The following GALNT12 variants were observed in gnomAD, a reference collection of about 807,000 sequenced individuals.
GALNT12 encodes polypeptide N-acetylgalactosaminyltransferase 12, also known as UDP-GalNAc:polypeptide N-acetylgalactosaminyltransferase 12.
In GALNT12, 45 loss-of-function variants were observed where a neutral mutation model predicts 55.5. The ratio of observed to expected loss-of-function variants is 0.81; its 90% CI spans 0.64 to 1.04. The LOEUF (loss-of-function observed/expected upper bound fraction) is 1.04. GALNT12 is among the 50% of genes least tolerant of loss of function. The pLI is 0.00. For synonymous variants in GALNT12, 304 were observed against 312.2 expected, an observed-to-expected ratio of 0.97 and a Z score of 0.28; for missense variants, 709 against 754.8, an observed-to-expected ratio of 0.94 and a Z score of 0.71.
Position 98,807,978 on chromosome 9 carries a change from CAGG to C in GALNT12, c.286_288del (p.Glu96del). ...GCTGCAGGGCGAGGAGCTGCGGCTG[CAGG>C]AGGAGAGCGTGCGGCTGCACCAGAT... is the stretch of plus-strand genomic sequence containing the variant. On this transcript the variant is annotated inframe_deletion, in exon 1 of 10. Coordinates refer to ENST00000375011, the MANE Select transcript of GALNT12 (RefSeq NM_024642.5). The C allele has an allele frequency of 1.3e-6, 2 of 1,493,250 alleles. No individual in the cohort carries two copies. Among genetic ancestry groups the C allele is most frequent in the East Asian group, 2.6e-5 (1 of 38,220 alleles). The allele number at this position is 1,493,250 out of a possible 1,614,324, so 92.5% of individuals were successfully genotyped here. A position where few individuals can be genotyped will look rare whatever the true frequency, so the allele number is the denominator to read the frequency against.
chr9:98,808,085 T>TGGGGA lies in GALNT12; in HGVS notation c.371+19_371+23dup. 6.4e-7 allele frequency: 1 copy of TGGGGA among 1,558,408 alleles called. No homozygotes were observed. The highest frequency in any genetic ancestry group is 1.2e-5 in the South Asian group (1 of 85,142). ...GGAACCCGCTGTGAGTGCACAGCTCTGGGGAGGAAGCCCGCCCTCAGAGCC... is the reference window on the plus strand; with the variant it reads ...GGAACCCGCTGTGAGTGCACAGCTCTGGGGAGGGGAGGAAGCCCGCCCTCAGAGCC... On this transcript the variant is annotated intron_variant, in intron 1 of 9. Transcript: ENST00000375011.
At chr9:98,844,469 A>C in intron 8 of GALNT12, 1 of 455,666 alleles carries the variant, frequency 2.2e-6, no homozygotes. Flanking sequence ...CATTCCCTTC[A>C]TCTACTTTTC....
intron 1 of GALNT12, among the ~76,000 whole-genome samples, chr9:98,812,767 T>A (rs1835522041): frequency 6.6e-6 from 1 of 152,210 alleles, no homozygotes; most frequent in South Asian, 2.1e-4. Context: ...TTTGAGTCGA[T>A]AGAGGCTTTT....
chr9:98,846,215 T>C, intron 9 of GALNT12, 92 bp downstream of exon 9: 1 of 1,512,754 alleles, frequency 6.6e-7, no homozygotes, highest in Non-Finnish European at 9.2e-7. Context: ...ATAGTCCTGG[T>C]GAGGATCAGG....
intron 1 of GALNT12, among the ~76,000 whole-genome samples, chr9:98,808,624 A>C (rs755396958): frequency 5.3e-5 from 8 of 152,140 alleles, no homozygotes; most frequent in Non-Finnish European, 8.8e-5. Context: ...TGGGTGGAGG[A>C]AGGCGGGAAG....
intron 3 of GALNT12, among the ~76,000 whole-genome samples, chr9:98,828,007 GT>G (rs1403113184): frequency 6.6e-6 from 1 of 152,058 alleles, no homozygotes; most frequent in Non-Finnish European, 1.5e-5. Context: ...TGCCCTTTCT[GT>G]TTCTGCATCA....
intron 1 of GALNT12, among the ~76,000 whole-genome samples, chr9:98,818,919 T>G (rs1270156213): frequency 6.6e-6 from 1 of 152,210 alleles, no homozygotes; most frequent in African/African-American, 2.4e-5. Flanking sequence ...CTTGGGACTT[T>G]GATCCCCTGA....
chr9:98,807,690 G>T lies in GALNT12; in HGVS notation c.-9G>T. 8.8e-7 allele frequency: 1 copy of T among 1,135,662 alleles called. No homozygotes were observed. The highest frequency in any genetic ancestry group is 1.1e-6 in the Non-Finnish European group (1 of 928,756). 70.3% of individuals were successfully genotyped at this position (1,135,662 alleles called of 1,614,324 possible). A position where few individuals can be genotyped will look rare whatever the true frequency, so the allele number is the denominator to read the frequency against. On this transcript the variant is annotated 5_prime_UTR_variant, in exon 1 of 10. Coordinates refer to ENST00000375011, the MANE Select transcript of GALNT12 (RefSeq NM_024642.5). ...GGCGCGCAGATCGCTGGCTGCAGTT[G>T]GCGGGCGCATGTGGGGGCGCACGGC...
At position 98,835,269 on chromosome 9, in the gene GALNT12, GGCT is replaced by G; in HGVS notation, c.940_942del (p.Leu314del). 1 of 1,613,536 alleles carries G rather than the reference GGCT, an allele frequency of 6.2e-7. No homozygotes were observed. The highest frequency in any genetic ancestry group is 8.5e-7 in the Non-Finnish European group (1 of 1,179,438). On this transcript the variant is annotated inframe_deletion, in exon 5 of 10. Coordinates refer to ENST00000375011, the MANE Select transcript of GALNT12 (RefSeq NM_024642.5). The stretch of plus-strand genomic sequence containing the variant: ...TTTAGGTCTCCAACAATGGCTGGTG[GGCT>G]GTTTGCTGTGAGTAAGAAATATTTT...
At chr9:98,810,703 G>A (rs1174386244) in intron 1 of GALNT12, among the ~76,000 whole-genome samples, 1 of 152,116 alleles carries the variant, frequency 6.6e-6, no homozygotes, top group African/African-American at 2.4e-5. Context: ...CCACTAAAAA[G>A]ACATTTTAGA....
chr9:98,848,862 T>C (rs967617130), intron 9 of GALNT12, 90 bp from the exon 10 acceptor site: 6 of 1,494,362 alleles, frequency 4.0e-6, no homozygotes, highest in Non-Finnish European at 5.5e-6. Context: ...TCTGAAATGG[T>C]AAAAATCAGA....
intron 1 of GALNT12, among the ~76,000 whole-genome samples, chr9:98,822,551 G>A (rs1366166455): frequency 6.6e-6 from 1 of 152,178 alleles, no homozygotes; most frequent in African/African-American, 2.4e-5. Context: ...AGGTGGCAGC[G>A]GGGATTTGGG....
At chr9:98,832,097 A>G (rs555215158) in intron 4 of GALNT12, 140 bp downstream of exon 4, 23 of 730,468 alleles carry the variant, frequency 3.1e-5, no homozygotes, top group South Asian at 2.7e-4. Context: ...TGCCCAGAGT[A>G]TTTGTTTATT....
At chr9:98,839,165 C>T (rs2118464611) in intron 6 of GALNT12, among the ~76,000 whole-genome samples, 1 of 152,304 alleles carries the variant, frequency 6.6e-6, no homozygotes, top group African/African-American at 2.4e-5. Flanking sequence ...CTGAATGCAC[C>T]CTTAGGCTTC....
chr9:98,827,420 C>CA (rs562276946), intron 3 of GALNT12, among the ~76,000 whole-genome samples: 3 of 152,194 alleles, frequency 2.0e-5, no homozygotes, highest in African/African-American at 4.8e-5. Flanking sequence ...AGGCTGGTCT[C>CA]AAACTCCTGA....
At chr9:98,841,856 T>G (rs1588456873) in intron 7 of GALNT12, among the ~76,000 whole-genome samples, 1 of 151,852 alleles carries the variant, frequency 6.6e-6, no homozygotes, top group African/African-American at 2.4e-5. Context: ...TTTTGTATTT[T>G]TAGCAGAGAC....
chr9:98,815,521 A>T (rs1021539450), intron 1 of GALNT12, among the ~76,000 whole-genome samples: 6 of 152,228 alleles, frequency 3.9e-5, no homozygotes, highest in Non-Finnish European at 7.3e-5. Flanking sequence ...GAACCTCATA[A>T]AACAGAATGC....
intron 9 of GALNT12, chr9:98,848,633 A>C (rs1022785380): frequency 1.4e-4 from 54 of 389,084 alleles, no homozygotes; most frequent in South Asian, 1.2e-3. Flanking sequence ...GAGGAGTGAA[A>C]GAGATAAACA....
At chr9:98,834,592 AG>A (rs1836087985) in intron 4 of GALNT12, among the ~76,000 whole-genome samples, 1 of 152,242 alleles carries the variant, frequency 6.6e-6, no homozygotes, top group Admixed American at 6.5e-5. Flanking sequence ...AAGCAGCCTG[AG>A]GCTGGCTAGC....
Sources: allele counts gnomAD v4.1 joint callset (sites outside exome capture counted in the v4.1 genomes callset), GRCh38; gene constraint gnomAD v4.1.1; transcripts MANE v1.5; gene names NCBI Gene and HGNC (gene_info 2026-07-23, HGNC 2026-07-21).